Variants in DNAH11 observed in about 807,000 individuals in gnomAD.
DNAH11 encodes axonemal beta dynein heavy chain 11.
Under a neutral mutation model 526.0 loss-of-function variants are expected in DNAH11, and 442 were observed. That is an observed-to-expected ratio of 0.84 (90% confidence interval 0.78 to 0.91). The LOEUF is 0.91. DNAH11 is among the 40% of genes least tolerant of loss of function. DNAH11 has a pLI of 0.00. For missense variants in DNAH11, 6,989 were observed against 5,448.7 expected (o/e 1.28, Z -8.90); for synonymous variants, 2,461 against 1,935.9 (o/e 1.27, Z -7.12).
At chr7:21,581,103 TA>T (rs1784290174) in intron 8 of DNAH11, among the ~76,000 whole-genome samples, 1 of 152,236 alleles carries the variant, frequency 6.6e-6, no homozygotes, top group South Asian at 2.1e-4. Context: ...TTATTGTTAA[TA>T]GATTGAGGCT....
At chr7:21,736,773 G>A (rs1042128144) in intron 46 of DNAH11, among the ~76,000 whole-genome samples, 1 of 152,130 alleles carries the variant, frequency 6.6e-6, no homozygotes, top group African/African-American at 2.4e-5. Flanking sequence ...AGGATTGCTT[G>A]AGCCCAGGAG....
chr7:21,553,835 C>T (rs1003586957), intron 2 of DNAH11, among the ~76,000 whole-genome samples: 1 of 152,126 alleles, frequency 6.6e-6, no homozygotes, highest in East Asian at 1.9e-4. Flanking sequence ...TTCTTCCTCT[C>T]TCCCTACAAA....
At chr7:21,820,710 A>C (rs1418101909) in intron 65 of DNAH11, among the ~76,000 whole-genome samples, 1 of 152,062 alleles carries the variant, frequency 6.6e-6, no homozygotes, top group Non-Finnish European at 1.5e-5. Context: ...TGTGTTGATA[A>C]TTTCCAACCC....
intron 65 of DNAH11, among the ~76,000 whole-genome samples, chr7:21,828,065 C>T (rs1013909651): frequency 6.6e-6 from 1 of 152,096 alleles, no homozygotes; most frequent in Non-Finnish European, 1.5e-5. Flanking sequence ...TCCCCTGCCT[C>T]AGCCTCCCAA....
At chr7:21,865,350 T>A (rs1352544266) in intron 70 of DNAH11, among the ~76,000 whole-genome samples, 9 of 152,224 alleles carry the variant, frequency 5.9e-5, no homozygotes, top group Non-Finnish European at 1.3e-4. Flanking sequence ...TGTAATTAGA[T>A]TGTAACTTTA....
chr7:21,568,685 A>T (rs1268799489), intron 6 of DNAH11, among the ~76,000 whole-genome samples: 2 of 152,206 alleles, frequency 1.3e-5, no homozygotes, highest in Admixed American at 6.5e-5. Context: ...AAGCACAGGA[A>T]TAAACATTAA....
intron 61 of DNAH11, among the ~76,000 whole-genome samples, chr7:21,799,419 C>A (rs1370397729): frequency 6.6e-6 from 1 of 152,032 alleles, no homozygotes. Flanking sequence ...TTCACTGCAA[C>A]TTCTGCCTTC....
chr7:21,674,330 A>G (rs1254586949), intron 30 of DNAH11, among the ~76,000 whole-genome samples: 4 of 151,952 alleles, frequency 2.6e-5, no homozygotes, highest in Non-Finnish European at 4.4e-5. Context: ...TTCTGGGATT[A>G]CAGATGTGAG....
At chr7:21,793,031 T>C (rs952406415) in intron 61 of DNAH11, among the ~76,000 whole-genome samples, 1 of 152,194 alleles carries the variant, frequency 6.6e-6, no homozygotes, top group Non-Finnish European at 1.5e-5. Flanking sequence ...GCTTCTCTCC[T>C]AGTATTGCTT....
intron 35 of DNAH11, 120 bp from the exon 36 acceptor site, chr7:21,697,955 C>A (rs141942398): frequency 2.0e-6 from 2 of 1,020,480 alleles, no homozygotes; most frequent in Non-Finnish European, 2.8e-6. Flanking sequence ...GATTGACAGA[C>A]ATAATTATGA....
At position 21,828,246 on chromosome 7, in the gene DNAH11, G is replaced by T. The variant is rs545047082; in HGVS notation, c.10691+9907G>T. Among the ~76,000 whole-genome samples, 15 of 152,234 alleles carry T rather than the reference G, an allele frequency of 9.9e-5. No individual in the cohort carries two copies. The East Asian group carries it at 2.9e-3, about 29-fold the overall frequency. On this transcript the variant is annotated intron_variant, in intron 65 of 81. Transcript: ENST00000409508. ...TTGCAGGCATGAGCCACCGCGCCTG[G>T]CCTAGCTTATGGATTTTAAATAAAC...
chr7:21,662,985 CTAA>C (rs1782293965), intron 30 of DNAH11, among the ~76,000 whole-genome samples: 1 of 152,026 alleles, frequency 6.6e-6, no homozygotes, highest in African/African-American at 2.4e-5. Flanking sequence ...TTACCACCCC[CTAA>C]TGATTCCCAG....
In DNAH11 at chr7:21,830,452, C is replaced by T. The variant is rs1156243734; in HGVS notation, c.10692-12092C>T. ...TGTGTCTGTTGTTTTTCTCTAGTGG[C>T]AGTCAATTGTTACTGAGTCGATCAT... On this transcript the variant is annotated intron_variant, in intron 65 of 81. Transcript: ENST00000409508. 2.0e-5 allele frequency among the ~76,000 whole-genome samples: 3 copies of T among 152,172 alleles called. 1 individual carries two copies. Among genetic ancestry groups the T allele is most frequent in the Admixed American group, 1.3e-4 (2 of 15,270 alleles).
chr7:21,766,622 T>C (rs1205432001), intron 55 of DNAH11, among the ~76,000 whole-genome samples: 5 of 152,050 alleles, frequency 3.3e-5, no homozygotes, highest in Admixed American at 3.3e-4. Flanking sequence ...TCAGCGGCCA[T>C]ATGGTTAAAA....
At chr7:21,679,928 G>T (rs2128471863) in intron 30 of DNAH11, among the ~76,000 whole-genome samples, 1 of 152,222 alleles carries the variant, frequency 6.6e-6, no homozygotes, top group Middle Eastern at 3.4e-3. Flanking sequence ...ATGCAGGTTT[G>T]TTACATATGT....
rs765958695 is a variant in DNAH11 at position 21,704,542 on chromosome 7, C to G, written c.6382C>G (p.Arg2128Gly). ...CCTGTTTCCAGCCCTGGATGTGCCC[C>G]GGAGGAGGAAGCTGCACTTTGAACA... ...GDLFPALDVP[R>G]RRKLHFEQMV... is the part of the protein sequence containing the mutation. Residue 2128 changes from arginine (R) to glycine (G), a missense_variant, in exon 38 of 82, where the codon CGG (arginine) becomes GGG (glycine). Physicochemically the swap from Arg to Gly is moderately radical, Grantham distance 125. Transcript: ENST00000409508. 3 of 1,613,754 alleles carry G rather than the reference C, an allele frequency of 1.9e-6. No individual in the cohort carries two copies. The South Asian group carries it at 3.3e-5, about 18-fold the overall frequency.
chr7:21,562,109 T>C (rs1276056989), intron 5 of DNAH11, among the ~76,000 whole-genome samples: 1 of 152,160 alleles, frequency 6.6e-6, no homozygotes, highest in Non-Finnish European at 1.5e-5. Flanking sequence ...AAGCCTCTGG[T>C]TTTTCATTGG....
chr7:21,630,907 A>G (rs553419423), intron 25 of DNAH11, among the ~76,000 whole-genome samples: 192 of 152,228 alleles, frequency 1.3e-3, no homozygotes, highest in African/African-American at 4.4e-3. Context: ...CTTGTAGACA[A>G]TCTTCACTGC....
At chr7:21,828,802 A>T (rs558493501) in intron 65 of DNAH11, among the ~76,000 whole-genome samples, 137 of 147,012 alleles carry the variant, frequency 9.3e-4, no homozygotes, top group Non-Finnish European at 1.5e-3. Flanking sequence ...TGGACTCCTG[A>T]AACACCAATG....
Sources: gnomAD v4.1 joint callset for allele counts (sites outside exome capture counted in the v4.1 genomes callset) on GRCh38, gnomAD v4.1.1 for gene constraint, MANE v1.5 for transcripts, NCBI Gene and HGNC (gene_info 2026-07-23, HGNC 2026-07-21) for gene names.